MCTP2: variants seen among roughly 807,000 people sequenced by gnomAD.
MCTP2 encodes the protein multiple C2 and transmembrane domain-containing protein 2.
MCTP2 carries 132 observed loss-of-function variants against 111.6 expected under a neutral mutation model. The ratio of observed to expected loss-of-function variants is 1.18; its 90% CI spans 1.03 to 1.37. The LOEUF (loss-of-function observed/expected upper bound fraction) is 1.37. Ranked by LOEUF, MCTP2 falls within the 40% of genes most tolerant of loss-of-function variation. The probability of loss-of-function intolerance (pLI) is 0.00; values close to 1 mark genes in which losing one functional copy is unlikely to be tolerated. For synonymous variants in MCTP2, 395 were observed against 387.7 expected, an observed-to-expected ratio of 1.02 and a Z score of -0.22; for missense variants, 1,183 against 1,067.9, an observed-to-expected ratio of 1.11 and a Z score of -1.50.
intron 1 of MCTP2, among the ~76,000 whole-genome samples, chr15:94,239,214 G>A (rs2070768419): frequency 6.6e-6 from 1 of 152,028 alleles, no homozygotes; most frequent in African/African-American, 2.4e-5. Flanking sequence ...ATATTTCTTG[G>A]ACTACAATAA....
chr15:94,327,212 T>C (rs573092912), intron 4 of MCTP2, among the ~76,000 whole-genome samples: 36 of 152,314 alleles, frequency 2.4e-4, no homozygotes, highest in Middle Eastern at 3.4e-3. Context: ...TTCTATCTAG[T>C]TTTACATTTT....
chr15:94,279,448 AT>A (rs34280644), intron 1 of MCTP2, among the ~76,000 whole-genome samples: 21,576 of 149,970 alleles, frequency 0.14, 1,594 homozygotes, highest in Middle Eastern at 0.18. Context: ...AATGTTACTG[AT>A]TTTTTTTTTA....
chr15:94,243,808 TAC>T (rs1491300510), intron 1 of MCTP2, among the ~76,000 whole-genome samples: 1 of 147,438 alleles, frequency 6.8e-6, no homozygotes, highest in African/African-American at 2.5e-5. Context: ...TATGCGTATA[TAC>T]ATATATGTAT....
intron 4 of MCTP2, among the ~76,000 whole-genome samples, chr15:94,328,413 C>A (rs1271330661): frequency 6.6e-6 from 1 of 152,302 alleles, no homozygotes; most frequent in African/African-American, 2.4e-5. Context: ...CAGGTGTGAG[C>A]CACCGCGCCC....
At position 94,444,233 on chromosome 15, in the gene MCTP2, G is replaced by A. The variant is rs867462818; in HGVS notation, c.2250+1273G>A. Among the ~76,000 whole-genome samples, 4 of 152,312 alleles carry A rather than the reference G, an allele frequency of 2.6e-5. No homozygotes were observed. The South Asian group carries it at 8.3e-4, about 32-fold the overall frequency. ...AACAGCCAAATGGAAGAAATGCACA[G>A]GGCAACGGATGGGGGAATGGGTGTG... On this transcript the variant is annotated intron_variant, in intron 19 of 22. Coordinates refer to ENST00000357742, the MANE Select transcript of MCTP2 (RefSeq NM_001385001.1).
chr15:94,402,290 A>ATT (rs139536675), intron 17 of MCTP2: 16 of 984,012 alleles, frequency 1.6e-5, no homozygotes, highest in Non-Finnish European at 1.9e-5. Context: ...CATTGTGTGT[A>ATT]TTTTTTTTCT....
At chr15:94,272,807 T>C (rs910726481) in intron 1 of MCTP2, among the ~76,000 whole-genome samples, 2 of 152,170 alleles carry the variant, frequency 1.3e-5, no homozygotes, top group African/African-American at 2.4e-5. Flanking sequence ...CCACTAAGTG[T>C]TGGAGTTCTT....
rs76793231 is a variant in MCTP2 at position 94,434,756 on chromosome 15, C to G, written c.2086-5420C>G. ...TTTCACCAACACTACTACTACTTTG[C>G]TACAGCTTCATAATAACTTGTGAAG... is the stretch of plus-strand genomic sequence containing the variant. On this transcript the variant is annotated intron_variant, in intron 17 of 22. Coordinates refer to ENST00000357742, the MANE Select transcript of MCTP2 (RefSeq NM_001385001.1). 2.8e-3 allele frequency among the ~76,000 whole-genome samples: 430 copies of G among 152,250 alleles called. 1 individual carries two copies. Among genetic ancestry groups the G allele is most frequent in the African/African-American group, 9.8e-3 (405 of 41,532 alleles).
At chr15:94,449,214 GAATT>G (rs1481131538) in intron 19 of MCTP2, among the ~76,000 whole-genome samples, 4 of 152,258 alleles carry the variant, frequency 2.6e-5, no homozygotes, top group Middle Eastern at 3.4e-3. Context: ...TTTCAAGTAA[GAATT>G]ATTTAAGCAA....
chr15:94,480,713 G>A lies in MCTP2; in HGVS notation c.*1679G>A, dbSNP rs925541728. On this transcript the variant is annotated 3_prime_UTR_variant, in exon 23 of 23. Transcript: ENST00000357742. The stretch of plus-strand genomic sequence containing the variant: ...AAGTCAGACATTTTTAAACAGACAT[G>A]TGAGATCTGATCAGTCATTTGAATG... 4.6e-5 allele frequency: 7 copies of A among 152,332 alleles called. No individual in the cohort carries two copies. The highest frequency in any genetic ancestry group is 1.4e-4 in the African/African-American group (6 of 41,570). The allele number at this position is 152,332 out of a possible 1,614,324, so 9.4% of individuals were successfully genotyped here. A position where few individuals can be genotyped will look rare whatever the true frequency, so the allele number is the denominator to read the frequency against.
chr15:94,291,606 A>G (rs564102908), intron 1 of MCTP2, among the ~76,000 whole-genome samples: 1 of 152,284 alleles, frequency 6.6e-6, no homozygotes, highest in Admixed American at 6.5e-5. Context: ...TGTCTCAAAA[A>G]AGAAAAAAAA....
At chr15:94,413,255 A>T (rs951711024) in intron 17 of MCTP2, among the ~76,000 whole-genome samples, 2 of 152,190 alleles carry the variant, frequency 1.3e-5, no homozygotes, top group African/African-American at 4.8e-5. Flanking sequence ...ACAATCGTCT[A>T]TAAGCAGAAA....
At chr15:94,402,879 T>A (rs190708733) in intron 17 of MCTP2, 420 of 1,131,168 alleles carry the variant, frequency 3.7e-4, no homozygotes, top group Admixed American at 4.3e-4. Context: ...TCAGTCATGA[T>A]CATTGGTGAA....
intron 1 of MCTP2, among the ~76,000 whole-genome samples, chr15:94,234,875 G>C (rs906926173): frequency 2.4e-4 from 36 of 152,178 alleles, no homozygotes; most frequent in Non-Finnish European, 2.5e-4. Flanking sequence ...GGCCTTGGAG[G>C]GTTCCTGATG....
chr15:94,385,238 G>A (rs2080389811), intron 13 of MCTP2, among the ~76,000 whole-genome samples, 185 bp from the exon 14 acceptor site: 2 of 152,102 alleles, frequency 1.3e-5, no homozygotes, highest in Admixed American at 6.6e-5. Flanking sequence ...ATGGATGTCT[G>A]AATCTTCTAT....
chr15:94,352,281 G>A (rs2078347931), intron 8 of MCTP2, among the ~76,000 whole-genome samples: 1 of 152,184 alleles, frequency 6.6e-6, no homozygotes, highest in Admixed American at 6.5e-5. Flanking sequence ...GTAAATTAGT[G>A]TTTTCAAAGC....
At chr15:94,392,910 G>C (rs1379394058) in intron 14 of MCTP2, among the ~76,000 whole-genome samples, 1 of 151,906 alleles carries the variant, frequency 6.6e-6, no homozygotes, top group Non-Finnish European at 1.5e-5. Context: ...ATTGATAATA[G>C]TTCCTATTGC....
At position 94,388,534 on chromosome 15, in the gene MCTP2, A is replaced by G. The variant is rs566688731; in HGVS notation, c.1788+3009A>G. Among the ~76,000 whole-genome samples, 18 of 152,372 alleles carry G rather than the reference A, an allele frequency of 1.2e-4. No individual in the cohort carries two copies. The South Asian group carries it at 3.5e-3, about 30-fold the overall frequency. ...TAACCCTCAATTTAACTGGCAAAGT[A>G]TAAGCTGTAAGTTGTTTCATGGATC... On this transcript the variant is annotated intron_variant, in intron 14 of 22. Transcript: ENST00000357742.
chr15:94,404,030 C>T (rs905661115), intron 17 of MCTP2, among the ~76,000 whole-genome samples: 5 of 152,258 alleles, frequency 3.3e-5, no homozygotes, highest in African/African-American at 7.2e-5. Context: ...CACTTAAACT[C>T]GTTTTCAGTT....
Sources: gnomAD v4.1 joint callset for allele counts (sites outside exome capture counted in the v4.1 genomes callset) on GRCh38, gnomAD v4.1.1 for gene constraint, MANE v1.5 for transcripts, NCBI Gene and HGNC (gene_info 2026-07-23, HGNC 2026-07-21) for gene names.